KCNB2: variants seen among roughly 807,000 people sequenced by gnomAD.
KCNB2 encodes delayed rectifier potassium channel protein.
A neutral mutation model predicts 61.5 loss-of-function variants in KCNB2; 15 were observed. That is an observed-to-expected ratio of 0.24 (90% CI 0.16 to 0.38). KCNB2 has a LOEUF of 0.38. KCNB2 is among the 10% of genes least tolerant of loss of function. The pLI is 1.00. For missense variants in KCNB2, 828 were observed against 1,125.2 expected (o/e 0.74, Z 3.78); for synonymous variants, 457 against 446.0 (o/e 1.02, Z -0.31).
chr8:72,658,362 G>A (rs2919398), intron 2 of KCNB2, among the ~76,000 whole-genome samples: 18,574 of 152,186 alleles, frequency 0.12, 1,630 homozygotes, highest in East Asian at 0.51. Context: ...AATCCAGAGC[G>A]AGGTCCTAAC....
At chr8:72,843,288 G>C (rs1047518845) in intron 2 of KCNB2, among the ~76,000 whole-genome samples, 1 of 152,192 alleles carries the variant, frequency 6.6e-6, no homozygotes, top group Non-Finnish European at 1.5e-5. Flanking sequence ...TGATTGTACT[G>C]TGGTCTGAGA....
chr8:72,646,843 C>G (rs1160765828), intron 2 of KCNB2, among the ~76,000 whole-genome samples: 2 of 152,114 alleles, frequency 1.3e-5, no homozygotes, highest in Non-Finnish European at 2.9e-5. Context: ...TGCTTGATGC[C>G]ACTGACTTGT....
intron 2 of KCNB2, among the ~76,000 whole-genome samples, chr8:72,905,408 C>T (rs1806160220): frequency 6.6e-6 from 1 of 152,026 alleles, no homozygotes; most frequent in Admixed American, 6.6e-5. Context: ...AGTGCAATTG[C>T]AGAAAATAAA....
chr8:72,865,562 A>ACT (rs1327575400), intron 2 of KCNB2, among the ~76,000 whole-genome samples: 3 of 152,194 alleles, frequency 2.0e-5, no homozygotes, highest in African/African-American at 7.2e-5. Flanking sequence ...ATCACTTAGA[A>ACT]TAGTCCCATA....
At chr8:72,913,768 A>G (rs113620575) in intron 2 of KCNB2, among the ~76,000 whole-genome samples, 21 of 152,352 alleles carry the variant, frequency 1.4e-4, no homozygotes, top group African/African-American at 5.1e-4. Flanking sequence ...AGATGTTCGT[A>G]TCTCTTCTGC....
chr8:72,838,069 T>A (rs10107656), intron 2 of KCNB2, among the ~76,000 whole-genome samples: 96,198 of 152,068 alleles, frequency 0.63, 30,876 homozygotes, highest in Middle Eastern at 0.81. Context: ...AAAATATTCA[T>A]TAACAAAGTA....
At chr8:72,612,043 A>C (rs987076739) in intron 2 of KCNB2, among the ~76,000 whole-genome samples, 2 of 152,190 alleles carry the variant, frequency 1.3e-5, no homozygotes, top group Non-Finnish European at 2.9e-5. Flanking sequence ...GAAATAGTAT[A>C]TAGAAACCTA....
intron 2 of KCNB2, among the ~76,000 whole-genome samples, chr8:72,759,504 G>C (rs1189399455): frequency 6.6e-6 from 1 of 152,108 alleles, no homozygotes; most frequent in Non-Finnish European, 1.5e-5. Context: ...TCCTACCACT[G>C]TTACCCAAAA....
intron 2 of KCNB2, among the ~76,000 whole-genome samples, chr8:72,719,015 C>T (rs1045314414): frequency 2.6e-5 from 4 of 151,780 alleles, no homozygotes; most frequent in Admixed American, 2.0e-4. Flanking sequence ...ATAGTAGTAA[C>T]AAGAGACTTT....
intron 2 of KCNB2, among the ~76,000 whole-genome samples, chr8:72,817,004 A>G (rs778553593): frequency 2.6e-5 from 4 of 152,206 alleles, no homozygotes; most frequent in Non-Finnish European, 1.5e-5. Flanking sequence ...TGAATTCTGC[A>G]AATATCTGAA....
intron 2 of KCNB2, among the ~76,000 whole-genome samples, chr8:72,720,513 A>G (rs560278007): frequency 6.6e-6 from 1 of 151,476 alleles, no homozygotes; most frequent in East Asian, 1.9e-4. Context: ...ACTTTTCCCG[A>G]CTCTCCACAC....
intron 2 of KCNB2, among the ~76,000 whole-genome samples, chr8:72,696,094 G>C (rs1245789300): frequency 6.6e-6 from 1 of 152,184 alleles, no homozygotes; most frequent in African/African-American, 2.4e-5. Context: ...ACCTTGTCAG[G>C]AGACGAGATG....
intron 2 of KCNB2, chr8:72,619,227 G>A: frequency 1.7e-6 from 1 of 584,102 alleles, no homozygotes; most frequent in South Asian, 1.4e-5. Context: ...TAGCTAGTGA[G>A]GTATCTTTAG....
At chr8:72,627,551 T>C (rs1306027730) in intron 2 of KCNB2, among the ~76,000 whole-genome samples, 3 of 152,010 alleles carry the variant, frequency 2.0e-5, no homozygotes, top group Non-Finnish European at 4.4e-5. Context: ...AAATGTCTTG[T>C]TTTTTTTATG....
intron 2 of KCNB2, among the ~76,000 whole-genome samples, chr8:72,900,818 G>T (rs574608566): frequency 6.6e-6 from 1 of 152,026 alleles, no homozygotes; most frequent in Non-Finnish European, 1.5e-5. Context: ...AGTCAGAGTG[G>T]ATATTATTAA....
chr8:72,874,201 A>T (rs1161323875), intron 2 of KCNB2, among the ~76,000 whole-genome samples: 3 of 152,178 alleles, frequency 2.0e-5, no homozygotes, highest in African/African-American at 4.8e-5. Flanking sequence ...CTAATTTTTT[A>T]AAAAATCTTT....
intron 2 of KCNB2, among the ~76,000 whole-genome samples, chr8:72,721,453 T>A (rs1284491401): frequency 6.6e-6 from 1 of 152,222 alleles, no homozygotes; most frequent in Admixed American, 6.5e-5. Context: ...AAATAATACA[T>A]CCTCAATATT....
chr8:72,655,343 G>T (rs1442539834), intron 2 of KCNB2, among the ~76,000 whole-genome samples: 1 of 151,972 alleles, frequency 6.6e-6, no homozygotes, highest in Non-Finnish European at 1.5e-5. Context: ...TACCTATTGG[G>T]TACTATGGTT....
chr8:72,592,519 GT>G (rs762358644), intron 2 of KCNB2, among the ~76,000 whole-genome samples: 140 of 151,832 alleles, frequency 9.2e-4, no homozygotes, highest in Non-Finnish European at 1.6e-3. Context: ...CTAAAATTAT[GT>G]TGTCTTTGGG....
Sources: allele counts gnomAD v4.1 joint callset (sites outside exome capture counted in the v4.1 genomes callset), GRCh38; gene constraint gnomAD v4.1.1; transcripts MANE v1.5; gene names NCBI Gene and HGNC (gene_info 2026-07-23, HGNC 2026-07-21).